Variants in PIK3C2G observed in about 807,000 individuals in gnomAD.
The protein encoded by PIK3C2G is phosphatidylinositol-4-phosphate 3-kinase catalytic subunit type 2 gamma, also known as phosphatidylinositol 3-kinase C2 domain-containing subunit gamma.
Under a neutral mutation model 181.1 loss-of-function variants are expected in PIK3C2G, and 168 were observed. The ratio of observed to expected loss-of-function variants is 0.93; its 90% CI spans 0.82 to 1.05. The LOEUF is 1.05. Ranked by LOEUF, PIK3C2G falls within the 50% of genes least tolerant of loss-of-function variation. The pLI, the probability that PIK3C2G is intolerant of heterozygous loss-of-function variation, is 0.00. For synonymous variants in PIK3C2G, 573 were observed against 592.2 expected, an observed-to-expected ratio of 0.97 and a Z score of 0.47; for missense variants, 1,869 against 1,732.8, an observed-to-expected ratio of 1.08 and a Z score of -1.40.
At chr12:18,381,382 T>C in intron 13 of PIK3C2G, among the ~76,000 whole-genome samples, 1 of 152,146 alleles carries the variant, frequency 6.6e-6, no homozygotes, top group East Asian at 1.9e-4. Context: ...GCAAAATATG[T>C]TCTGAAGAGT....
In PIK3C2G at chr12:18,400,054, T is replaced by A. The variant is rs187714560; in HGVS notation, c.2315+207T>A. On this transcript the variant is annotated intron_variant, in intron 16 of 32. Coordinates refer to ENST00000538779, the MANE Select transcript of PIK3C2G (RefSeq NM_001288772.2). ...CATGTCTGCTGCCCTAAGCTTGTAG[T>A]ATAATAAATTGTAGAAGTTTCTTAA... Among the ~76,000 whole-genome samples the A allele has an allele frequency of 1.6e-3, 241 of 152,328 alleles. 1 individual carries two copies. The highest frequency in any genetic ancestry group is 5.5e-3 in the African/African-American group (227 of 41,558).
intron 30 of PIK3C2G, among the ~76,000 whole-genome samples, chr12:18,599,717 C>G (rs1947601743): frequency 6.7e-6 from 1 of 149,508 alleles, no homozygotes; most frequent in Non-Finnish European, 1.5e-5. Flanking sequence ...GAAAACACAC[C>G]TAAAACAAAG....
chr12:18,260,798 G>T (rs1948212548), upstream of PIK3C2G, among the ~76,000 whole-genome samples: 2 of 151,862 alleles, frequency 1.3e-5, no homozygotes, highest in South Asian at 4.2e-4. Context: ...CCTACTTCTG[G>T]CAGATCCTAT....
At chr12:18,292,927 A>C (rs142579102) in intron 4 of PIK3C2G, among the ~76,000 whole-genome samples, 13 of 152,286 alleles carry the variant, frequency 8.5e-5, no homozygotes, top group Admixed American at 6.5e-4. Flanking sequence ...GATATTGTTT[A>C]AGTGTGACAC....
At chr12:18,498,694 T>C (rs1941201537) in intron 22 of PIK3C2G, among the ~76,000 whole-genome samples, 1 of 152,112 alleles carries the variant, frequency 6.6e-6, no homozygotes, top group African/African-American at 2.4e-5. Flanking sequence ...ACAGTTGAGA[T>C]TTTAGATGCT....
At chr12:18,483,916 G>A (rs1939791719) in intron 18 of PIK3C2G, among the ~76,000 whole-genome samples, 1 of 152,084 alleles carries the variant, frequency 6.6e-6, no homozygotes, top group African/African-American at 2.4e-5. Flanking sequence ...GTGCATCAAT[G>A]CTCAGCTTGG....
chr12:18,604,095 A>G (rs1947882643), intron 30 of PIK3C2G, among the ~76,000 whole-genome samples: 1 of 152,226 alleles, frequency 6.6e-6, no homozygotes, highest in African/African-American at 2.4e-5. Flanking sequence ...CTTAAAAGAT[A>G]CAGAACCACA....
chr12:18,456,768 T>C (rs1947651782), intron 18 of PIK3C2G, among the ~76,000 whole-genome samples: 1 of 152,150 alleles, frequency 6.6e-6, no homozygotes, highest in Admixed American at 6.5e-5. Context: ...TGCAGCTTGA[T>C]TTTACAAGCT....
At chr12:18,368,206 T>C (rs1477796767) in intron 12 of PIK3C2G, among the ~76,000 whole-genome samples, 1 of 152,198 alleles carries the variant, frequency 6.6e-6, no homozygotes, top group Non-Finnish European at 1.5e-5. Flanking sequence ...CTACAAGGAA[T>C]GTGTTTTTTA....
chr12:18,307,827 G>A (rs898925436), intron 5 of PIK3C2G, among the ~76,000 whole-genome samples: 1 of 151,642 alleles, frequency 6.6e-6, no homozygotes, highest in Non-Finnish European at 1.5e-5. Context: ...GTAGGCCACA[G>A]AAGAGTTTTA....
At position 18,338,265 on chromosome 12, in the gene PIK3C2G, C is replaced by A. The variant is rs11044029; in HGVS notation, c.1273-161C>A. Among the ~76,000 whole-genome samples, 565 of 152,228 alleles carry A rather than the reference C, an allele frequency of 3.7e-3. 1 individual carries two copies. Among genetic ancestry groups the A allele is most frequent in the African/African-American group, 0.013 (528 of 41,548 alleles). ...GCTCAATGAAAATTAAAGCCCCAGT[C>A]ACAGGATAACCAGAGTCTTGAGAAC... On this transcript the variant is annotated intron_variant, in intron 8 of 32. Transcript: ENST00000538779.
At chr12:18,294,871 C>T (rs531554491) in intron 5 of PIK3C2G, among the ~76,000 whole-genome samples, 2 of 151,888 alleles carry the variant, frequency 1.3e-5, no homozygotes, top group East Asian at 3.9e-4. Flanking sequence ...TTGAAATTCT[C>T]ATTGTCACTG....
intron 22 of PIK3C2G, among the ~76,000 whole-genome samples, chr12:18,501,305 T>G (rs1941462392): frequency 1.3e-5 from 2 of 151,802 alleles, no homozygotes; most frequent in South Asian, 4.1e-4. Context: ...TTTCACAAGG[T>G]GGCAGGAAAA....
intron 4 of PIK3C2G, among the ~76,000 whole-genome samples, chr12:18,292,904 C>T (rs546481796): frequency 6.6e-6 from 1 of 152,182 alleles, no homozygotes; most frequent in South Asian, 2.1e-4. Flanking sequence ...GGGCACAGGC[C>T]TTGGAGTAAA....
intron 11 of PIK3C2G, among the ~76,000 whole-genome samples, chr12:18,360,975 C>CTT (rs1172159742): frequency 1.3e-5 from 2 of 151,686 alleles, no homozygotes; most frequent in African/African-American, 4.8e-5. Flanking sequence ...TTTTCTTTTT[C>CTT]TTTTTTTCTC....
In PIK3C2G at chr12:18,491,478, C is replaced by A; in HGVS notation, c.2713C>A (p.Leu905Ile). The A allele has an allele frequency of 6.2e-7, 1 of 1,603,530 alleles. No homozygotes were observed. Among genetic ancestry groups the A allele is most frequent in the Admixed American group, 1.7e-5 (1 of 59,916 alleles). ...GGTACTGAAGAAAGAAATTGGCAGA[C>A]TAGAAGAGTTCTTTCAAGATGTAAA... ...QEVLKKEIGRLEEFFQDVNTC... is the reference protein window; with the variant it reads ...QEVLKKEIGRIEEFFQDVNTC... Residue 905 changes from leucine (L) to isoleucine (I), a missense_variant, in exon 20 of 33, where the codon CTA becomes ATA. Physicochemically the swap from Leu to Ile is conservative, Grantham distance 5. Coordinates refer to ENST00000538779, the MANE Select transcript of PIK3C2G (RefSeq NM_001288772.2).
intron 1 of PIK3C2G, among the ~76,000 whole-genome samples, chr12:18,281,211 G>A (rs1307188653): frequency 1.3e-5 from 1 of 77,208 alleles, no homozygotes; most frequent in East Asian, 3.8e-4. Context: ...TACAATAAAA[G>A]AATAACAGGG....
In PIK3C2G at chr12:18,604,268, T is replaced by G. The variant is rs192310405; in HGVS notation, c.4088-5267T>G. Reference sequence around the variant, plus strand: ...ATTCTTATATCAGACAAAACAAACTTTAAAGCAACCACAGTTAAAAGAGAC... The same window carrying G: ...ATTCTTATATCAGACAAAACAAACTGTAAAGCAACCACAGTTAAAAGAGAC... On this transcript the variant is annotated intron_variant, in intron 30 of 32. Coordinates refer to ENST00000538779, the MANE Select transcript of PIK3C2G (RefSeq NM_001288772.2). Among the ~76,000 whole-genome samples, 10 of 152,118 alleles carry G rather than the reference T, an allele frequency of 6.6e-5. No homozygotes were observed. In the East Asian group the frequency reaches 1.9e-3, roughly 29 times the overall value.
chr12:18,448,056 G>T (rs892641276), intron 18 of PIK3C2G, among the ~76,000 whole-genome samples: 4 of 151,942 alleles, frequency 2.6e-5, no homozygotes, highest in African/African-American at 7.3e-5. Flanking sequence ...GTAAACTAAG[G>T]TCCTAAAATG....
Sources: allele counts gnomAD v4.1 joint callset (sites outside exome capture counted in the v4.1 genomes callset), GRCh38; gene constraint gnomAD v4.1.1; transcripts MANE v1.5; gene names NCBI Gene and HGNC (gene_info 2026-07-23, HGNC 2026-07-21).